SLC9A9: variants seen among roughly 807,000 people sequenced by gnomAD.
SLC9A9 encodes the protein sodium/hydrogen exchanger 9.
In SLC9A9, 62 loss-of-function variants were observed where a neutral mutation model predicts 77.8. The observed-to-expected ratio is 0.80, with a 90% CI of 0.65 to 0.98. SLC9A9 has a LOEUF of 0.98. Among genes scored for constraint, SLC9A9 ranks in the 50% least tolerant of loss-of-function variants. SLC9A9 has a pLI of 0.00. For synonymous variants in SLC9A9, 320 were observed against 283.5 expected, an observed-to-expected ratio of 1.13 and a Z score of -1.29; for missense variants, 775 against 774.9, an observed-to-expected ratio of 1.00 and a Z score of 0.00.
intron 1 of SLC9A9, among the ~76,000 whole-genome samples, chr3:143,844,444 G>A (rs1405695028): frequency 6.6e-6 from 1 of 152,114 alleles, no homozygotes; most frequent in Admixed American, 6.5e-5. Context: ...AGTATTATAG[G>A]AAATTTGATG....
intron 8 of SLC9A9, among the ~76,000 whole-genome samples, chr3:143,559,084 C>T (rs779936889): frequency 3.3e-4 from 50 of 152,106 alleles, no homozygotes; most frequent in Non-Finnish European, 6.5e-4. Flanking sequence ...TCTCTCCTGC[C>T]GCCCTGAGAA....
At chr3:143,808,158 C>T (rs1432500261) in intron 2 of SLC9A9, among the ~76,000 whole-genome samples, 1 of 152,190 alleles carries the variant, frequency 6.6e-6, no homozygotes, top group Non-Finnish European at 1.5e-5. Flanking sequence ...CAAATGCCTG[C>T]TAAATCATAG....
intron 14 of SLC9A9, among the ~76,000 whole-genome samples, chr3:143,278,304 T>G (rs1938114582): frequency 6.6e-6 from 1 of 152,208 alleles, no homozygotes; most frequent in South Asian, 2.1e-4. Context: ...GGGGTCTAGC[T>G]GCTGTGACTG....
intron 12 of SLC9A9, among the ~76,000 whole-genome samples, chr3:143,407,388 G>T (rs530319742): frequency 6.6e-6 from 1 of 152,204 alleles, no homozygotes; most frequent in African/African-American, 2.4e-5. Context: ...CAATATCCTA[G>T]GTGATTTTTT....
chr3:143,608,901 G>T (rs918128995), intron 6 of SLC9A9, among the ~76,000 whole-genome samples: 6 of 152,154 alleles, frequency 3.9e-5, no homozygotes, highest in South Asian at 4.1e-4. Context: ...TGCTGAAAAA[G>T]AATCTGAGTG....
Position 143,500,245 on chromosome 3 carries a change from C to T in SLC9A9, c.1090-4797G>A, listed in dbSNP as rs2035903421. Among the ~76,000 whole-genome samples the T allele has an allele frequency of 3.3e-5, 5 of 152,088 alleles. No homozygotes were observed. In the South Asian group the frequency reaches 1.0e-3, roughly 32 times the overall value. On this transcript the variant is annotated intron_variant, in intron 9 of 15. Coordinates refer to ENST00000316549, the MANE Select transcript of SLC9A9 (RefSeq NM_173653.4). Reference sequence around the variant, plus strand: ...TTCAAAGAATTTGTCATTCCACCTACATTTTTGTATTTTTTGGCATACAGT... The same window carrying T: ...TTCAAAGAATTTGTCATTCCACCTATATTTTTGTATTTTTTGGCATACAGT...
At chr3:143,744,655 G>GA (rs1362305535) in intron 4 of SLC9A9, among the ~76,000 whole-genome samples, 3 of 152,084 alleles carry the variant, frequency 2.0e-5, no homozygotes, top group African/African-American at 7.2e-5. Context: ...GTGCTCTAAT[G>GA]GTTTTAACAG....
chr3:143,848,256 C>T lies in SLC9A9; in HGVS notation c.67G>A (p.Glu23Lys). 2 of 1,613,988 alleles carry T rather than the reference C, an allele frequency of 1.2e-6. No homozygotes were observed. Among genetic ancestry groups the T allele is most frequent in the African/African-American group, 1.3e-5 (1 of 75,000 alleles). ...AGCAAAAAATTGAAGACAAGCAGCT[C>T]CACCGCTCCCTGATGTTGAAACTGA... The part of the protein sequence containing the change: ...EYQFQHQGAV[E>K]LLVFNFLLIL... Residue 23 changes from glutamate (E) to lysine (K), a missense_variant, in exon 1 of 16, where the codon GAG becomes AAG. By Grantham distance (56) the Glu-to-Lys change is moderately conservative (BLOSUM62 1). Coordinates refer to ENST00000316549, the MANE Select transcript of SLC9A9 (RefSeq NM_173653.4).
intron 14 of SLC9A9, among the ~76,000 whole-genome samples, chr3:143,287,704 C>A (rs1472156211): frequency 1.3e-5 from 2 of 152,186 alleles, no homozygotes; most frequent in Non-Finnish European, 2.9e-5. Context: ...AGCACCTTGT[C>A]CTTCAGTGCT....
intron 2 of SLC9A9, among the ~76,000 whole-genome samples, chr3:143,802,360 C>T (rs2008586533): frequency 6.6e-6 from 1 of 152,204 alleles, no homozygotes; most frequent in African/African-American, 2.4e-5. Flanking sequence ...ATCTGCTATT[C>T]TACTACCCCT....
chr3:143,811,670 A>T (rs1160674694), intron 2 of SLC9A9: 1 of 454,546 alleles, frequency 2.2e-6, no homozygotes, highest in African/African-American at 2.0e-5. Context: ...ACATGGCAAA[A>T]AATGGTCTCC....
intron 11 of SLC9A9, among the ~76,000 whole-genome samples, chr3:143,483,229 GC>G (rs2035600942): frequency 1.3e-5 from 2 of 152,224 alleles, no homozygotes; most frequent in South Asian, 4.1e-4. Context: ...TGGGATTCAT[GC>G]CAGGTGAGAA....
chr3:143,329,434 T>C (rs2031699905), intron 14 of SLC9A9, among the ~76,000 whole-genome samples: 1 of 152,230 alleles, frequency 6.6e-6, no homozygotes, highest in African/African-American at 2.4e-5. Context: ...CAGATCCCTA[T>C]TGACATGAAA....
At chr3:143,408,138 T>G (rs1032188781) in intron 12 of SLC9A9, among the ~76,000 whole-genome samples, 1 of 152,218 alleles carries the variant, frequency 6.6e-6, no homozygotes, top group African/African-American at 2.4e-5. Context: ...ATGTTTATGC[T>G]TTCATTTAAT....
chr3:143,308,547 G>C (rs1047930419), intron 14 of SLC9A9, among the ~76,000 whole-genome samples: 1 of 151,576 alleles, frequency 6.6e-6, no homozygotes, highest in African/African-American at 2.4e-5. Flanking sequence ...CTGCACTCCA[G>C]CCTGGGCGAC....
chr3:143,328,109 A>G (rs1424646687), intron 14 of SLC9A9, among the ~76,000 whole-genome samples: 2 of 152,236 alleles, frequency 1.3e-5, no homozygotes, highest in Non-Finnish European at 2.9e-5. Context: ...ACAATTACAT[A>G]TGATACTATA....
At chr3:143,752,748 C>T (rs1189741572) in intron 4 of SLC9A9, among the ~76,000 whole-genome samples, 1 of 150,882 alleles carries the variant, frequency 6.6e-6, no homozygotes, top group Admixed American at 6.6e-5. Context: ...CTTAAGGCAG[C>T]TCAGTTTAGC....
intron 4 of SLC9A9, among the ~76,000 whole-genome samples, chr3:143,752,659 C>A (rs1297641085): frequency 3.3e-5 from 5 of 151,206 alleles, no homozygotes; most frequent in African/African-American, 1.2e-4. Flanking sequence ...GAAAGGGTAC[C>A]AGGAGAGCTA....
rs114891344 is a variant in SLC9A9, at chr3:143,821,100, G to A, written c.378+10919C>T. On this transcript the variant is annotated intron_variant, in intron 2 of 15. Coordinates refer to ENST00000316549, the MANE Select transcript of SLC9A9 (RefSeq NM_173653.4). ...GACTGGGGTGAGCAGGAAGCTGTGT[G>A]TGCTGAAATCAGCAGAAAGCATGAT... Among the ~76,000 whole-genome samples, 440 of 152,238 alleles carry A rather than the reference G, an allele frequency of 2.9e-3. 4 individuals carry two copies. The highest frequency in any genetic ancestry group is 0.01 in the African/African-American group (424 of 41,530).
Sources: allele counts gnomAD v4.1 joint callset (sites outside exome capture counted in the v4.1 genomes callset), GRCh38; gene constraint gnomAD v4.1.1; transcripts MANE v1.5; gene names NCBI Gene and HGNC (gene_info 2026-07-23, HGNC 2026-07-21).